The following PALLD variants were observed in gnomAD, a reference collection of about 807,000 sequenced individuals.
The protein encoded by PALLD is palladin.
PALLD carries 61 observed loss-of-function variants against 123.5 expected under a neutral mutation model. That is an observed-to-expected ratio of 0.49 (90% CI 0.40 to 0.61). The LOEUF is 0.61. Among genes scored for constraint, PALLD ranks in the 20% least tolerant of loss-of-function variants. PALLD has a pLI of 0.00. For missense variants in PALLD, 1,273 were observed against 1,377.0 expected (o/e 0.92, Z 1.20); for synonymous variants, 465 against 496.4 (o/e 0.94, Z 0.84).
rs566904172 is a variant in PALLD, at chr4:168,785,194, A to G, written c.1964+73271A>G. Among the ~76,000 whole-genome samples the G allele has an allele frequency of 1.1e-4, 16 of 150,596 alleles. No individual in the cohort carries two copies. In the South Asian group the frequency reaches 3.1e-3, roughly 29 times the overall value. On this transcript the variant is annotated intron_variant, in intron 10 of 21. Coordinates refer to ENST00000505667, the MANE Select transcript of PALLD (RefSeq NM_001166108.2). ...GAATTAGTTAGCAGACTTGTGAATC[A>G]ATTAGCTAGCCAGTGGGATTCCATT... is the stretch of plus-strand genomic sequence containing the variant.
intron 10 of PALLD, among the ~76,000 whole-genome samples, chr4:168,776,450 C>A (rs10031077): frequency 0.38 from 57,305 of 152,000 alleles, 12,033 homozygotes; most frequent in East Asian, 0.55. Context: ...TTTGCAAATA[C>A]AGACAGCTTT....
intron 3 of PALLD, among the ~76,000 whole-genome samples, chr4:168,670,812 G>T (rs1442477426): frequency 1.4e-5 from 2 of 146,966 alleles, no homozygotes; most frequent in African/African-American, 2.5e-5. Context: ...AAAGCTGGGT[G>T]CAATGGCTCA....
At chr4:168,698,209 T>G (rs919027308) in intron 8 of PALLD, among the ~76,000 whole-genome samples, 6 of 152,120 alleles carry the variant, frequency 3.9e-5, no homozygotes, top group South Asian at 2.1e-4. Flanking sequence ...GGAGGGGTAT[T>G]GAGAGGCTGT....
intron 2 of PALLD, among the ~76,000 whole-genome samples, chr4:168,634,358 A>T (rs1012336843): frequency 6.6e-6 from 1 of 152,224 alleles, no homozygotes; most frequent in Non-Finnish European, 1.5e-5. Context: ...GCTAATGGAT[A>T]CAGTGGTTTT....
At position 168,638,740 on chromosome 4, in the gene PALLD, A is replaced by T. The variant is rs188173306; in HGVS notation, c.909-29450A>T. Among the ~76,000 whole-genome samples, 154 of 151,990 alleles carry T rather than the reference A, an allele frequency of 1.0e-3. 1 individual carries two copies. The highest frequency in any genetic ancestry group is 3.6e-3 in the African/African-American group (148 of 41,462). On this transcript the variant is annotated intron_variant, in intron 2 of 21. Transcript: ENST00000505667. The stretch of plus-strand genomic sequence containing the variant: ...TCCCTTGGGCCTATTTTATAGGGGC[A>T]CTAACCCTATTCATGAGGCTCTACC...
chr4:168,823,608 A>C (rs1203711223), intron 10 of PALLD, among the ~76,000 whole-genome samples: 1 of 152,150 alleles, frequency 6.6e-6, no homozygotes, highest in Non-Finnish European at 1.5e-5. Flanking sequence ...TGATCCCAGA[A>C]GATGGAGACT....
At chr4:168,858,989 T>C (rs1749035229) in intron 10 of PALLD, among the ~76,000 whole-genome samples, 1 of 152,224 alleles carries the variant, frequency 6.6e-6, no homozygotes, top group African/African-American at 2.4e-5. Flanking sequence ...CTATCATTTT[T>C]GTACTTTTGC....
At chr4:168,560,207 A>C (rs1767727767) in intron 2 of PALLD, among the ~76,000 whole-genome samples, 1 of 152,158 alleles carries the variant, frequency 6.6e-6, no homozygotes, top group Non-Finnish European at 1.5e-5. Context: ...TTGTTCAATA[A>C]AATAGTTCAG....
intron 16 of PALLD, 46 bp downstream of exon 16, chr4:168,914,067 T>TAG: frequency 9.0e-7 from 1 of 1,109,452 alleles, no homozygotes; most frequent in Non-Finnish European, 1.4e-6. Context: ...ATTTTATTTA[T>TAG]TACTATAAAT....
intron 10 of PALLD, among the ~76,000 whole-genome samples, chr4:168,854,791 G>C (rs1443810649): frequency 1.3e-5 from 2 of 152,194 alleles, no homozygotes; most frequent in Non-Finnish European, 1.5e-5. Context: ...TTCCACTAAA[G>C]CTCATTTTTA....
chr4:168,708,768 A>G (rs1784451786), intron 8 of PALLD, among the ~76,000 whole-genome samples: 1 of 152,188 alleles, frequency 6.6e-6, no homozygotes. Context: ...TTGGGTATGT[A>G]TTATCCCCAT....
intron 6 of PALLD, among the ~76,000 whole-genome samples, chr4:168,686,408 G>A (rs1782052662): frequency 6.6e-6 from 1 of 152,058 alleles, no homozygotes; most frequent in African/African-American, 2.4e-5. Context: ...CCAGGTGTGT[G>A]ATGTTCCCCT....
At chr4:168,536,615 T>C (rs1239188653) in intron 2 of PALLD, 1 of 152,022 alleles carries the variant, frequency 6.6e-6, no homozygotes, top group African/African-American at 2.4e-5. Context: ...CAGGAAGAAA[T>C]GTCAAGCAAA....
At chr4:168,769,906 T>C (rs187460999) in intron 10 of PALLD, among the ~76,000 whole-genome samples, 18 of 152,350 alleles carry the variant, frequency 1.2e-4, no homozygotes, top group Admixed American at 1.2e-3. Context: ...TATTAAAATA[T>C]TTCATCTCTC....
chr4:168,889,165 T>TGTGTGTGTGTGA, intron 10 of PALLD, among the ~76,000 whole-genome samples: 1 of 139,262 alleles, frequency 7.2e-6, no homozygotes, highest in Non-Finnish European at 1.5e-5. Flanking sequence ...TGTGTGTGTG[T>TGTGTGTGTGTGA]GGTTTTTTTT....
intron 18 of PALLD, among the ~76,000 whole-genome samples, chr4:168,922,783 A>T (rs778415522): frequency 2.6e-4 from 40 of 152,120 alleles, no homozygotes; most frequent in Non-Finnish European, 5.3e-4. Context: ...CTCAAACTAA[A>T]ACTTCACTTT....
chr4:168,926,205 C>A lies in PALLD; in HGVS notation c.*33-8C>A, dbSNP rs931051658. 1 of 1,505,150 alleles carries A rather than the reference C, an allele frequency of 6.6e-7. No homozygotes were observed. Among genetic ancestry groups the A allele is most frequent in the Admixed American group, 2.2e-5 (1 of 44,624 alleles). The allele number at this position is 1,505,150 out of a possible 1,614,324, so 93.2% of individuals were successfully genotyped here. ...TTAAAAATCTTAATTTACTCTTTTTCTTTGTAGCCCAGTGGCATCAGCAGT... is the reference window on the plus strand; with the variant it reads ...TTAAAAATCTTAATTTACTCTTTTTATTTGTAGCCCAGTGGCATCAGCAGT... On this transcript the variant is annotated splice_polypyrimidine_tract_variant and splice_region_variant and intron_variant, in intron 21 of 21. Coordinates refer to ENST00000505667, the MANE Select transcript of PALLD (RefSeq NM_001166108.2).
chr4:168,834,904 T>C (rs1014286068), intron 10 of PALLD, among the ~76,000 whole-genome samples: 6 of 152,240 alleles, frequency 3.9e-5, no homozygotes, highest in African/African-American at 2.4e-5. Context: ...TTCCCTAGGT[T>C]ACAGTAAACC....
At chr4:168,806,516 G>C (rs1236840719) in intron 10 of PALLD, among the ~76,000 whole-genome samples, 1 of 152,154 alleles carries the variant, frequency 6.6e-6, no homozygotes, top group Non-Finnish European at 1.5e-5. Context: ...CGTGCTTCCT[G>C]TACAGCCTGT....
Sources: gnomAD v4.1 joint callset for allele counts (sites outside exome capture counted in the v4.1 genomes callset) on GRCh38, gnomAD v4.1.1 for gene constraint, MANE v1.5 for transcripts, NCBI Gene and HGNC (gene_info 2026-07-23, HGNC 2026-07-21) for gene names.